FRY: variants seen among roughly 807,000 people sequenced by gnomAD.
The protein encoded by FRY is protein furry homolog.
Under a neutral mutation model 348.4 loss-of-function variants are expected in FRY, and 128 were observed. The observed-to-expected ratio is 0.37, with a 90% CI of 0.32 to 0.43. FRY has a LOEUF of 0.43. FRY is among the 20% of genes least tolerant of loss of function. FRY has a pLI of 1.00. For missense variants in FRY, 2,736 were observed against 3,695.2 expected (o/e 0.74, Z 6.73); for synonymous variants, 1,370 against 1,374.7 (o/e 1.00, Z 0.08).
Position 32,135,109 on chromosome 13 carries a change from C to T in FRY, c.1003C>T (p.Pro335Ser). Reference protein sequence around the residue: ...AAAVKNEVNVPCLRNFVESLY... With the variant: ...AAAVKNEVNVSCLRNFVESLY... ...GGCTGTTAAAAATGAAGTAAATGTT[C>T]CCTGCCTTAGAAATTTTGTGGAAAG... Residue 335 changes from proline to serine, a missense_variant, in exon 10 of 61, where the codon CCC becomes TCC. By Grantham distance (74) the Pro-to-Ser change is moderately conservative. Transcript: ENST00000542859. The T allele has an allele frequency of 1.9e-6, 3 of 1,610,840 alleles. No homozygotes were observed. Among genetic ancestry groups the T allele is most frequent in the Admixed American group, 1.7e-5 (1 of 60,014 alleles).
Position 32,220,516 on chromosome 13 carries a change from T to A in FRY, c.4765+1685T>A, listed in dbSNP as rs78557124. Among the ~76,000 whole-genome samples, 35 of 152,366 alleles carry A rather than the reference T, an allele frequency of 2.3e-4. No homozygotes were observed. In the East Asian group the frequency reaches 6.7e-3, roughly 29 times the overall value. On this transcript the variant is annotated intron_variant, in intron 36 of 60. Coordinates refer to ENST00000542859, the MANE Select transcript of FRY (RefSeq NM_023037.3). ...ACTGAATAGTCAAATCTCAGTACCA[T>A]AGGCCGTTACTTCTAGAAGGCACCA... is the stretch of plus-strand genomic sequence containing the variant.
intron 1 of FRY, among the ~76,000 whole-genome samples, chr13:32,034,771 G>T (rs191311609): frequency 6.9e-4 from 105 of 152,154 alleles, no homozygotes; most frequent in African/African-American, 2.5e-3. Flanking sequence ...TGAGCTCCTC[G>T]TTCATCCTCT....
chr13:32,295,247 G>C lies in FRY; in HGVS notation c.8829G>C (p.Glu2943Asp). The C allele has an allele frequency of 6.2e-7, 1 of 1,613,614 alleles. No individual in the cohort carries two copies. Among genetic ancestry groups the C allele is most frequent in the Non-Finnish European group, 8.5e-7 (1 of 1,179,592 alleles). ...TCTTTGGAAGCAGTTCTGATGATGA[G>C]GTCCAGACACTACTGAATATTTATT... is the stretch of plus-strand genomic sequence containing the variant. The part of the protein sequence containing the change: ...NDIFGSSSDD[E>D]VQTLLNIYFR... Residue 2943 changes from glutamate to aspartate, a missense_variant, in exon 61 of 61, where the codon GAG becomes GAC. Around this residue, in one of 9 missense-constraint regions of FRY, gnomAD observed 157 missense variants for 215.2 expected, o/e 0.73. Transcript: ENST00000542859.
intron 41 of FRY, among the ~76,000 whole-genome samples, chr13:32,232,237 A>G (rs1020918969): frequency 6.6e-6 from 1 of 152,214 alleles, no homozygotes; most frequent in Non-Finnish European, 1.5e-5. Flanking sequence ...CTTGGATTGA[A>G]TGAAAATAAT....
chr13:32,236,611 C>G (rs1200204856), intron 43 of FRY, among the ~76,000 whole-genome samples: 1 of 151,454 alleles, frequency 6.6e-6, no homozygotes, highest in African/African-American at 2.4e-5. Context: ...TGACTTCATT[C>G]AAAGAAATTC....
intron 19 of FRY, 94 bp from the exon 20 acceptor site, chr13:32,175,452 C>A: frequency 1.2e-6 from 1 of 814,292 alleles, no homozygotes; most frequent in Non-Finnish European, 2.2e-6. Flanking sequence ...CACTATCTCA[C>A]AAGCTGTTCT....
At chr13:32,132,293 G>A (rs1593649755) in intron 8 of FRY, among the ~76,000 whole-genome samples, 1 of 125,498 alleles carries the variant, frequency 8.0e-6, no homozygotes, top group Admixed American at 8.2e-5. Flanking sequence ...TTATTGCCCA[G>A]TGCCCATCAT....
chr13:32,267,056 G>A, intron 54 of FRY, 114 bp from the exon 55 acceptor site: 1 of 902,652 alleles, frequency 1.1e-6, no homozygotes, highest in African/African-American at 1.6e-5. Context: ...TCAAAAGGAA[G>A]AGTGGGTAGA....
intron 48 of FRY, among the ~76,000 whole-genome samples, chr13:32,248,531 T>TA (rs11375460): frequency 0.23 from 33,928 of 148,408 alleles, 5,187 homozygotes; most frequent in East Asian, 0.49. Flanking sequence ...TAAAGTATAT[T>TA]AAAAAAAAAA....
At position 32,124,776 on chromosome 13, in the gene FRY, C is replaced by G; in HGVS notation, c.636-19C>G. On this transcript the variant is annotated intron_variant, in intron 6 of 60. Transcript: ENST00000542859. ...CGATGACCAGGGATCCCTAACTTGT[C>G]TAATTATACCCTACTTAGGTACCTT... is the stretch of plus-strand genomic sequence containing the variant. 6.3e-7 allele frequency: 1 copy of G among 1,589,502 alleles called. No individual in the cohort carries two copies. The highest frequency in any genetic ancestry group is 2.2e-5 in the East Asian group (1 of 44,774).
At chr13:32,291,648 A>G (rs985604708) in intron 59 of FRY, among the ~76,000 whole-genome samples, 2 of 151,960 alleles carry the variant, frequency 1.3e-5, no homozygotes, top group African/African-American at 2.4e-5. Context: ...CAGGTGATCC[A>G]CCTGCCTCGG....
chr13:32,061,964 A>C (rs1419345231), intron 1 of FRY, among the ~76,000 whole-genome samples: 1 of 152,156 alleles, frequency 6.6e-6, no homozygotes, highest in Non-Finnish European at 1.5e-5. Flanking sequence ...TGGTAAAGGC[A>C]CAACATATTG....
At chr13:32,177,221 A>G (rs931646700) in intron 20 of FRY, among the ~76,000 whole-genome samples, 2 of 152,228 alleles carry the variant, frequency 1.3e-5, no homozygotes, top group South Asian at 2.1e-4. Flanking sequence ...ATAAGAACTT[A>G]CTAATATAGA....
At chr13:32,207,664 C>T (rs2138346985) in intron 31 of FRY, among the ~76,000 whole-genome samples, 1 of 152,290 alleles carries the variant, frequency 6.6e-6, no homozygotes, top group Admixed American at 6.5e-5. Flanking sequence ...CTATATGAAA[C>T]ATAATAGCTT....
At chr13:32,180,493 C>A (rs959471726) in intron 23 of FRY, among the ~76,000 whole-genome samples, 1 of 152,234 alleles carries the variant, frequency 6.6e-6, no homozygotes, top group Non-Finnish European at 1.5e-5. Context: ...CCTCAGCCCC[C>A]CAAAGTGCTG....
chr13:32,254,327 A>C lies in FRY; in HGVS notation c.7349A>C (p.Asn2450Thr). ...GAGCAGGAGAACATGGATGACACAA[A>C]CAGCGAGCAGCAGTTTAGAGTCTTC... Reference protein sequence around the residue: ...AREQENMDDTNSEQQFRVFRD... With the variant: ...AREQENMDDTTSEQQFRVFRD... The change falls in exon 51 of 61, where the codon AAC becomes ACC. Residue 2450 changes from asparagine to threonine, a missense_variant. Physicochemically the swap from Asn to Thr is moderately conservative, Grantham distance 65 (BLOSUM62 0). Around this residue, in one of 9 missense-constraint regions of FRY, gnomAD observed 789 missense variants for 996.2 expected, o/e 0.79. Transcript: ENST00000542859. 1 of 1,614,118 alleles carries C rather than the reference A, an allele frequency of 6.2e-7. No homozygotes were observed. The highest frequency in any genetic ancestry group is 1.7e-5 in the Admixed American group (1 of 60,008).
intron 11 of FRY, among the ~76,000 whole-genome samples, chr13:32,140,551 A>C (rs1167502321): frequency 6.6e-6 from 1 of 152,136 alleles, no homozygotes; most frequent in Admixed American, 6.5e-5. Context: ...CTTGTAATTT[A>C]GTGGAGGAGA....
chr13:32,088,597 A>G (rs1280151521), intron 2 of FRY, among the ~76,000 whole-genome samples: 2 of 152,232 alleles, frequency 1.3e-5, no homozygotes, highest in Non-Finnish European at 2.9e-5. Flanking sequence ...GGAGACATGT[A>G]GATGAAACAC....
chr13:32,184,486 A>G (rs1882901704), intron 24 of FRY, 114 bp from the exon 25 acceptor site: 1 of 718,542 alleles, frequency 1.4e-6, no homozygotes, highest in Non-Finnish European at 2.5e-6. Flanking sequence ...GCTGACTTTT[A>G]TGCTTAGAAA....
Sources: gnomAD v4.1 joint callset for allele counts (sites outside exome capture counted in the v4.1 genomes callset) on GRCh38, gnomAD v4.1.1 for gene constraint, gnomAD v4.1.1 regional missense constraint, MANE v1.5 for transcripts, NCBI Gene and HGNC (gene_info 2026-07-23, HGNC 2026-07-21) for gene names.